The following ADAMTSL1 variants were observed in gnomAD, a reference collection of about 807,000 sequenced individuals.
ADAMTSL1 encodes ADAMTS-like protein 1.
Under a neutral mutation model 201.8 loss-of-function variants are expected in ADAMTSL1, and 126 were observed. The ratio of observed to expected loss-of-function variants is 0.62; its 90% CI spans 0.54 to 0.72. ADAMTSL1 has a LOEUF of 0.72. ADAMTSL1 is among the 30% of genes least tolerant of loss of function. The pLI, the probability that ADAMTSL1 is intolerant of heterozygous loss-of-function variation, is 0.00. For synonymous variants in ADAMTSL1, 1,121 were observed against 903.4 expected, an observed-to-expected ratio of 1.24 and a Z score of -4.32; for missense variants, 2,679 against 2,277.8, an observed-to-expected ratio of 1.18 and a Z score of -3.59.
Position 18,661,951 on chromosome 9 carries a change from G to A in ADAMTSL1, c.963G>A (p.Ser321=), listed in dbSNP as rs148178041. Residue 321 remains serine (S), a synonymous_variant, in exon 9 of 29, where the codon TCG becomes TCA. Coordinates refer to ENST00000380548, the MANE Select transcript of ADAMTSL1 (RefSeq NM_001040272.6). ...ATCGGGYQLT[S]AECYDLRSNR... is the part of the protein sequence containing the mutation. ...ATACTACAGGTTATCAGCTGACATCGGCTGAGTGCTACGATCTGAGGAGCA... is the reference window on the plus strand; with the variant it reads ...ATACTACAGGTTATCAGCTGACATCAGCTGAGTGCTACGATCTGAGGAGCA... The A allele has an allele frequency of 4.3e-5, 69 of 1,613,406 alleles. No individual in the cohort carries two copies. The highest frequency in any genetic ancestry group is 1.7e-4 in the Middle Eastern group (1 of 6,060).
intron 2 of ADAMTSL1, among the ~76,000 whole-genome samples, chr9:18,390,305 A>G (rs67776100): frequency 0.031 from 4,768 of 152,188 alleles, 152 homozygotes; most frequent in African/African-American, 0.073. Context: ...ATCATGACAC[A>G]CTGACACGTA....
intron 19 of ADAMTSL1, among the ~76,000 whole-genome samples, chr9:18,791,712 C>A (rs1489299569): frequency 2.6e-5 from 4 of 152,146 alleles, no homozygotes; most frequent in Non-Finnish European, 5.9e-5. Context: ...ATATTTAAGA[C>A]TGTTTTTATG....
chr9:18,264,447 G>A (rs1051799471), intron 2 of ADAMTSL1, among the ~76,000 whole-genome samples: 2 of 152,112 alleles, frequency 1.3e-5, no homozygotes, highest in African/African-American at 4.8e-5. Context: ...GCTCTCCTCT[G>A]AAGAAGTGTC....
intron 17 of ADAMTSL1, among the ~76,000 whole-genome samples, chr9:18,774,761 C>T (rs773287733): frequency 6.6e-6 from 1 of 152,008 alleles, no homozygotes; most frequent in Non-Finnish European, 1.5e-5. Context: ...ATAGATATGG[C>T]ATATTTTGTT....
At chr9:18,726,674 T>C (rs1015909612) in intron 15 of ADAMTSL1, among the ~76,000 whole-genome samples, 2 of 152,200 alleles carry the variant, frequency 1.3e-5, no homozygotes, top group East Asian at 3.8e-4. Flanking sequence ...TGAAAAGATT[T>C]GGTAAACGTA....
intron 2 of ADAMTSL1, among the ~76,000 whole-genome samples, chr9:18,358,319 C>T (rs1476908352): frequency 3.3e-5 from 5 of 152,076 alleles, no homozygotes; most frequent in Non-Finnish European, 5.9e-5. Context: ...TTTGCTCCTT[C>T]CTTTTGTGGG....
chr9:18,735,199 A>G (rs991729970), intron 15 of ADAMTSL1, among the ~76,000 whole-genome samples: 2 of 152,208 alleles, frequency 1.3e-5, no homozygotes, highest in African/African-American at 2.4e-5. Flanking sequence ...ATTTCAGGCA[A>G]TGGTGAAAAA....
chr9:18,084,320 G>A (rs1330126482), intron 1 of ADAMTSL1, among the ~76,000 whole-genome samples: 1 of 151,956 alleles, frequency 6.6e-6, no homozygotes, highest in East Asian at 1.9e-4. Context: ...TCAGGAGTTA[G>A]AGACCAGCCT....
chr9:18,324,746 A>G (rs1161123379), intron 2 of ADAMTSL1, among the ~76,000 whole-genome samples: 2 of 151,798 alleles, frequency 1.3e-5, no homozygotes, highest in Non-Finnish European at 2.9e-5. Context: ...CCTGGGCAAC[A>G]AGAGCGAAAC....
intron 2 of ADAMTSL1, among the ~76,000 whole-genome samples, chr9:18,236,012 C>T (rs369519855): frequency 5.4e-4 from 82 of 152,284 alleles, no homozygotes; most frequent in African/African-American, 1.8e-3. Context: ...CTTTCAATTT[C>T]ATCTACTTGG....
chr9:17,953,449 C>T (rs938904493), intron 1 of ADAMTSL1, among the ~76,000 whole-genome samples: 6 of 152,038 alleles, frequency 3.9e-5, no homozygotes, highest in Admixed American at 6.5e-5. Flanking sequence ...TGCTTTTGAC[C>T]CAGAAATTTC....
intron 4 of ADAMTSL1, among the ~76,000 whole-genome samples, chr9:18,584,569 T>C (rs535786136): frequency 6.6e-6 from 1 of 152,286 alleles, no homozygotes; most frequent in African/African-American, 2.4e-5. Context: ...CAGTATCCAA[T>C]TAAATGTTCA....
chr9:18,387,084 A>G (rs960108518), intron 2 of ADAMTSL1, among the ~76,000 whole-genome samples: 2 of 152,136 alleles, frequency 1.3e-5, no homozygotes, highest in East Asian at 3.8e-4. Context: ...TCAAAAATTA[A>G]TATATACATT....
intron 1 of ADAMTSL1, among the ~76,000 whole-genome samples, chr9:18,091,361 A>G (rs1427770398): frequency 1.3e-5 from 2 of 152,144 alleles, no homozygotes; most frequent in African/African-American, 4.8e-5. Context: ...CATATTTTAT[A>G]AAAAAGGAAC....
At chr9:18,227,981 C>T (rs1364595078) in intron 2 of ADAMTSL1, among the ~76,000 whole-genome samples, 4 of 152,122 alleles carry the variant, frequency 2.6e-5, no homozygotes, top group Non-Finnish European at 2.9e-5. Context: ...TTCCACTTTA[C>T]CATAGAAGCA....
At chr9:18,876,132 C>T (rs1418931715) in intron 23 of ADAMTSL1, among the ~76,000 whole-genome samples, 3 of 151,836 alleles carry the variant, frequency 2.0e-5, no homozygotes, top group African/African-American at 7.3e-5. Flanking sequence ...TATGTGAGTC[C>T]TTATGTGTTA....
At chr9:18,752,632 C>T (rs76334434) in intron 15 of ADAMTSL1, among the ~76,000 whole-genome samples, 1,555 of 152,276 alleles carry the variant, frequency 0.01, 18 homozygotes, top group Admixed American at 0.027. Flanking sequence ...ATGGCCAGTT[C>T]GTGCACTCAA....
At chr9:18,007,466 G>A (rs1264903927) in intron 1 of ADAMTSL1, among the ~76,000 whole-genome samples, 1 of 152,016 alleles carries the variant, frequency 6.6e-6, no homozygotes, top group Non-Finnish European at 1.5e-5. Context: ...CAGACGGTAT[G>A]TTAGAGTCAT....
chr9:18,776,824 C>A lies in ADAMTSL1; in HGVS notation c.2595C>A (p.Ala865=). The part of the protein sequence containing the change: ...PSTKHSPHIA[A]ARKVYIQTRR... ...CGAAGCACAGCCCGCACATCGCGGCCGCCAGGAAGGTCTACATACAGACTC... is the reference window on the plus strand; with the variant it reads ...CGAAGCACAGCCCGCACATCGCGGCAGCCAGGAAGGTCTACATACAGACTC... Residue 865 remains alanine, a synonymous_variant, in exon 19 of 29, where the codon GCC becomes GCA. Transcript: ENST00000380548. 1 of 1,580,148 alleles carries A rather than the reference C, an allele frequency of 6.3e-7. No individual in the cohort carries two copies. The highest frequency in any genetic ancestry group is 1.7e-4 in the Middle Eastern group (1 of 6,022).
Sources: gnomAD v4.1 joint callset for allele counts (sites outside exome capture counted in the v4.1 genomes callset) on GRCh38, gnomAD v4.1.1 for gene constraint, MANE v1.5 for transcripts, NCBI Gene and HGNC (gene_info 2026-07-23, HGNC 2026-07-21) for gene names.